Variants in SLC26A7 observed in about 807,000 individuals in gnomAD.
The protein encoded by SLC26A7 is solute carrier family 26 member 7.
In SLC26A7, 59 loss-of-function variants were observed where a neutral mutation model predicts 82.5. That is an observed-to-expected ratio of 0.72 (90% CI 0.58 to 0.89). The LOEUF is 0.89. Ranked by LOEUF, SLC26A7 falls within the 40% of genes least tolerant of loss-of-function variation. The probability of loss-of-function intolerance (pLI) is 0.00; values close to 1 mark genes in which losing one functional copy is unlikely to be tolerated. For missense variants in SLC26A7, 820 were observed against 793.0 expected, an observed-to-expected ratio of 1.03 and a Z score of -0.41; for synonymous variants, 271 against 274.3, an observed-to-expected ratio of 0.99 and a Z score of 0.12.
intron 11 of SLC26A7, chr8:91,357,167 A>C (rs1813894072): frequency 6.6e-6 from 1 of 152,188 alleles, no homozygotes; most frequent in Non-Finnish European, 1.5e-5. Context: ...TGACCTTAGA[A>C]CTTAGAAGCT....
At chr8:91,390,146 T>G (rs1168717259) in intron 16 of SLC26A7, among the ~76,000 whole-genome samples, 2 of 148,908 alleles carry the variant, frequency 1.3e-5, no homozygotes, top group Non-Finnish European at 3.0e-5. Flanking sequence ...AGTCTCGCTC[T>G]ATCGCCCAGG....
chr8:91,312,774 T>C (rs1245916072), intron 4 of SLC26A7, among the ~76,000 whole-genome samples: 1 of 152,144 alleles, frequency 6.6e-6, no homozygotes, highest in Non-Finnish European at 1.5e-5. Flanking sequence ...TTTCATGTGC[T>C]TATTGGACAT....
At chr8:91,258,244 A>G (rs1322657341) in intron 2 of SLC26A7, among the ~76,000 whole-genome samples, 1 of 152,078 alleles carries the variant, frequency 6.6e-6, no homozygotes, top group Non-Finnish European at 1.5e-5. Context: ...ATATATTTCC[A>G]TCTTAACTCT....
At chr8:91,389,927 T>G (rs1814909157) in intron 16 of SLC26A7, among the ~76,000 whole-genome samples, 1 of 152,208 alleles carries the variant, frequency 6.6e-6, no homozygotes, top group Non-Finnish European at 1.5e-5. Context: ...ATGGTGCTTC[T>G]TTCTCTACCC....
intron 15 of SLC26A7, among the ~76,000 whole-genome samples, chr8:91,374,063 G>A (rs907229264): frequency 2.0e-5 from 3 of 151,926 alleles, no homozygotes; most frequent in Non-Finnish European, 4.4e-5. Context: ...TGTGCTATCA[G>A]TTGTGATGTC....
At chr8:91,287,136 G>T (rs925131422) in intron 2 of SLC26A7, among the ~76,000 whole-genome samples, 1 of 152,070 alleles carries the variant, frequency 6.6e-6, no homozygotes, top group Non-Finnish European at 1.5e-5. Context: ...CATGATTTCT[G>T]GTCTTGGAGA....
At chr8:91,379,760 A>T (rs1814617828) in intron 15 of SLC26A7, among the ~76,000 whole-genome samples, 1 of 152,114 alleles carries the variant, frequency 6.6e-6, no homozygotes, top group African/African-American at 2.4e-5. Context: ...TTAAAACAAG[A>T]AATATAAAGC....
intron 4 of SLC26A7, among the ~76,000 whole-genome samples, chr8:91,311,418 G>A (rs1368976750): frequency 6.6e-6 from 1 of 151,714 alleles, no homozygotes; most frequent in African/African-American, 2.4e-5. Flanking sequence ...TAAATGATTA[G>A]TTAGATATAT....
intron 2 of SLC26A7, among the ~76,000 whole-genome samples, chr8:91,276,960 A>G (rs1479392788): frequency 1.3e-5 from 2 of 152,172 alleles, no homozygotes; most frequent in African/African-American, 4.8e-5. Context: ...TTTCATGTAT[A>G]TTTGTGTTTC....
At chr8:91,353,354 T>C (rs1464167607) in intron 11 of SLC26A7, among the ~76,000 whole-genome samples, 3 of 152,164 alleles carry the variant, frequency 2.0e-5, no homozygotes, top group South Asian at 2.1e-4. Flanking sequence ...ATAACCTTTA[T>C]GAAAAACTAT....
intron 11 of SLC26A7, among the ~76,000 whole-genome samples, chr8:91,359,702 G>C (rs1282465669): frequency 6.6e-6 from 1 of 152,076 alleles, no homozygotes; most frequent in African/African-American, 2.4e-5. Context: ...ATGGATTATT[G>C]GGTTATTGGG....
chr8:91,394,641 C>A (rs1808515194), intron 18 of SLC26A7: 1 of 1,132,188 alleles, frequency 8.8e-7, no homozygotes, highest in Non-Finnish European at 1.1e-6. Flanking sequence ...CAGAGTCATC[C>A]CTATTGTATA....
chr8:91,210,189 T>C (rs1809883108), intron 1 of SLC26A7, among the ~76,000 whole-genome samples: 1 of 152,198 alleles, frequency 6.6e-6, no homozygotes, highest in South Asian at 2.1e-4. Flanking sequence ...TTGTCTCTAT[T>C]CACAGTTGAG....
chr8:91,337,443 T>C (rs1225175490), intron 6 of SLC26A7, among the ~76,000 whole-genome samples: 1 of 152,080 alleles, frequency 6.6e-6, no homozygotes, highest in Non-Finnish European at 1.5e-5. Context: ...TGAAAATCGA[T>C]GGAAAACAGT....
At chr8:91,338,119 A>AT in intron 6 of SLC26A7, 31 bp from the exon 7 acceptor site, 17 of 1,553,754 alleles carry the variant, frequency 1.1e-5, no homozygotes, top group Non-Finnish European at 1.5e-5. Context: ...TAATGTATAT[A>AT]TTTTTTCTTT....
At chr8:91,240,333 T>C (rs952628119) in intron 2 of SLC26A7, among the ~76,000 whole-genome samples, 2 of 152,226 alleles carry the variant, frequency 1.3e-5, no homozygotes, top group African/African-American at 4.8e-5. Flanking sequence ...GTGTGCAATG[T>C]AAACTTTGAA....
intron 3 of SLC26A7, among the ~76,000 whole-genome samples, chr8:91,290,094 C>CTAT (rs1285410175): frequency 2.6e-5 from 4 of 151,962 alleles, no homozygotes; most frequent in Non-Finnish European, 5.9e-5. Context: ...ATAAAGTTAG[C>CTAT]TATTATTATT....
At chr8:91,272,624 T>C (rs568558813) in intron 2 of SLC26A7, among the ~76,000 whole-genome samples, 2 of 152,220 alleles carry the variant, frequency 1.3e-5, no homozygotes, top group Admixed American at 1.3e-4. Context: ...ACGTATGCAG[T>C]GACAAGAAGA....
At chr8:91,253,152 T>C (rs1180268831) in intron 2 of SLC26A7, among the ~76,000 whole-genome samples, 2 of 152,080 alleles carry the variant, frequency 1.3e-5, no homozygotes, top group South Asian at 4.1e-4. Flanking sequence ...AAAACTGAAG[T>C]TGGGAGAGGA....
Sources: gnomAD v4.1 joint callset for allele counts (sites outside exome capture counted in the v4.1 genomes callset) on GRCh38, gnomAD v4.1.1 for gene constraint, MANE v1.5 for transcripts, NCBI Gene and HGNC (gene_info 2026-07-23, HGNC 2026-07-21) for gene names.